Variants in KDM4B observed in about 807,000 individuals in gnomAD.
KDM4B encodes the protein lysine demethylase 4B, also known as lysine-specific demethylase 4B.
In KDM4B, 32 loss-of-function variants were observed where a neutral mutation model predicts 125.2. The observed-to-expected ratio is 0.26, with a 90% confidence interval of 0.19 to 0.34. The LOEUF (loss-of-function observed/expected upper bound fraction) is 0.34. KDM4B is among the 10% of genes least tolerant of loss of function. KDM4B has a pLI of 1.00. For synonymous variants in KDM4B, 721 were observed against 677.9 expected, an observed-to-expected ratio of 1.06 and a Z score of -0.99; for missense variants, 1,190 against 1,577.7, an observed-to-expected ratio of 0.75 and a Z score of 4.16.
At chr19:5,112,805 T>A (rs2145992286) in intron 10 of KDM4B, 1 of 152,680 alleles carries the variant, frequency 6.5e-6, no homozygotes, top group South Asian at 2.1e-4. Flanking sequence ...TCTGTCCTTT[T>A]GATTTCCTGC....
intron 6 of KDM4B, among the ~76,000 whole-genome samples, chr19:5,063,117 G>C (rs2037659394): frequency 6.6e-6 from 1 of 152,054 alleles, no homozygotes; most frequent in African/African-American, 2.4e-5. Flanking sequence ...GTGGTAGTGG[G>C]AGAGTCCCTG....
intron 5 of KDM4B, among the ~76,000 whole-genome samples, chr19:5,043,253 C>G (rs1351719282): frequency 7.7e-6 from 1 of 130,432 alleles, no homozygotes; most frequent in Admixed American, 7.9e-5. Context: ...GGGTGTCCAC[C>G]TTATCCCGTG....
chr19:4,969,306 C>T (rs2145254333), intron 1 of KDM4B, 76 bp downstream of exon 1: 1 of 146,404 alleles, frequency 6.8e-6, no homozygotes, highest in African/African-American at 2.4e-5. Flanking sequence ...CGTCGCGGCT[C>T]GGGGCTGCGG....
Position 5,011,082 on chromosome 19 carries a change from G to A in KDM4B, c.-108-5175G>A, listed in dbSNP as rs199841107. Among the ~76,000 whole-genome samples, 4 of 152,102 alleles carry A rather than the reference G, an allele frequency of 2.6e-5. No individual in the cohort carries two copies. In the East Asian group the frequency reaches 7.7e-4, roughly 29 times the overall value. ...TCGTTTTGGCCATCAGGAGCCCCTC[G>A]CATGTCCTTTCTGCCCGCTCCCATC... On this transcript the variant is annotated intron_variant, in intron 1 of 22. Transcript: ENST00000159111.
intron 2 of KDM4B, among the ~76,000 whole-genome samples, chr19:5,020,621 G>A (rs1405398147): frequency 6.6e-6 from 1 of 152,200 alleles, no homozygotes. Context: ...GGGCGCTGGG[G>A]GAAGGGGGTC....
chr19:5,067,761 C>T (rs2037819908), intron 6 of KDM4B, among the ~76,000 whole-genome samples: 2 of 152,120 alleles, frequency 1.3e-5, no homozygotes, highest in South Asian at 4.2e-4. Flanking sequence ...GACCAGTGGC[C>T]CCTGCACAGG....
At chr19:5,126,293 GCGGC>G (rs1016311967) in intron 11 of KDM4B, among the ~76,000 whole-genome samples, 7 of 152,168 alleles carry the variant, frequency 4.6e-5, no homozygotes, top group African/African-American at 1.7e-4. Context: ...TCTGGGAAGA[GCGGC>G]CGCCCTATTG....
At chr19:4,970,300 G>A (rs1454168413) in intron 1 of KDM4B, among the ~76,000 whole-genome samples, 1 of 152,240 alleles carries the variant, frequency 6.6e-6, no homozygotes, top group African/African-American at 2.4e-5. Context: ...TAATTTACCA[G>A]CACCCTGTGA....
At chr19:5,070,074 G>C (rs1253959603) in intron 6 of KDM4B, among the ~76,000 whole-genome samples, 1 of 152,164 alleles carries the variant, frequency 6.6e-6, no homozygotes, top group Non-Finnish European at 1.5e-5. Flanking sequence ...GTTCTAGAAC[G>C]GGAGCTGTTG....
chr19:5,013,296 G>C (rs942436653), intron 1 of KDM4B, among the ~76,000 whole-genome samples: 2 of 152,172 alleles, frequency 1.3e-5, no homozygotes, highest in South Asian at 4.1e-4. Flanking sequence ...CCAGGATCCC[G>C]TGGGGACCTG....
At chr19:5,047,802 T>A in intron 6 of KDM4B, 133 bp downstream of exon 6, 1 of 851,488 alleles carries the variant, frequency 1.2e-6, no homozygotes, top group Non-Finnish European at 1.8e-6. Flanking sequence ...CTATGACGGC[T>A]GGAGATCTTC....
chr19:4,984,905 T>A (rs562666428), intron 1 of KDM4B, among the ~76,000 whole-genome samples: 57 of 152,282 alleles, frequency 3.7e-4, no homozygotes, highest in Admixed American at 1.2e-3. Flanking sequence ...TACTAATTAA[T>A]TTGGCCTTTA....
chr19:5,077,398 C>A lies in KDM4B; in HGVS notation c.708C>A (p.Asp236Glu). The change falls in exon 8 of 23, where the codon GAC becomes GAA. Residue 236 changes from aspartate to glutamate, a missense_variant. Coordinates refer to ENST00000159111, the MANE Select transcript of KDM4B (RefSeq NM_015015.3). ...GFFPGSSQGC[D>E]AFLRHKMTLI... is the part of the protein sequence containing the mutation. Reference sequence around the variant, plus strand: ...TCCCCGGGAGCTCGCAGGGCTGCGACGCCTTCCTGCGGCATAAGATGACCC... The same window carrying A: ...TCCCCGGGAGCTCGCAGGGCTGCGAAGCCTTCCTGCGGCATAAGATGACCC... The A allele has an allele frequency of 6.2e-7, 1 of 1,613,194 alleles. No homozygotes were observed. Among genetic ancestry groups the A allele is most frequent in the Non-Finnish European group, 8.5e-7 (1 of 1,179,970 alleles).
chr19:5,009,995 G>T (rs544005976), intron 1 of KDM4B, among the ~76,000 whole-genome samples: 2 of 152,306 alleles, frequency 1.3e-5, no homozygotes, highest in African/African-American at 2.4e-5. Context: ...GCCTCCCAAA[G>T]TGCTGGGATT....
chr19:5,051,704 T>C (rs1003162689), intron 6 of KDM4B, among the ~76,000 whole-genome samples: 3 of 152,192 alleles, frequency 2.0e-5, no homozygotes, highest in Non-Finnish European at 4.4e-5. Flanking sequence ...CAGCTCCGCT[T>C]GTCAGAAGGG....
At chr19:5,020,153 GTGT>G (rs1446411355) in intron 2 of KDM4B, among the ~76,000 whole-genome samples, 1 of 148,706 alleles carries the variant, frequency 6.7e-6, no homozygotes. Context: ...TGGTGTGCAG[GTGT>G]TGGTGTGGAT....
At chr19:5,138,907 C>G (rs1240465142) in intron 18 of KDM4B, among the ~76,000 whole-genome samples, 1 of 152,196 alleles carries the variant, frequency 6.6e-6, no homozygotes, top group Non-Finnish European at 1.5e-5. Context: ...ATTGTACAGT[C>G]TTTATTCTTC....
chr19:4,988,555 A>G (rs1025476250), intron 1 of KDM4B, among the ~76,000 whole-genome samples: 19 of 152,248 alleles, frequency 1.2e-4, no homozygotes, highest in Admixed American at 2.0e-4. Context: ...GATTACAGGC[A>G]TGAGCCACCG....
At chr19:4,982,170 G>A (rs1292047693) in intron 1 of KDM4B, among the ~76,000 whole-genome samples, 1 of 152,206 alleles carries the variant, frequency 6.6e-6, no homozygotes, top group Non-Finnish European at 1.5e-5. Flanking sequence ...GTGCAGGCCT[G>A]TAATCCCAGC....
Sources: allele counts gnomAD v4.1 joint callset (sites outside exome capture counted in the v4.1 genomes callset), GRCh38; gene constraint gnomAD v4.1.1; transcripts MANE v1.5; gene names NCBI Gene and HGNC (gene_info 2026-07-23, HGNC 2026-07-21).